The following ACACA variants were observed in gnomAD, a reference collection of about 807,000 sequenced individuals.
ACACA encodes the protein acetyl-CoA carboxylase alpha.
Under a neutral mutation model 296.1 loss-of-function variants are expected in ACACA, and 103 were observed. The ratio of observed to expected loss-of-function variants is 0.35; its 90% CI spans 0.30 to 0.41. The LOEUF is 0.41. Among genes scored for constraint, ACACA ranks in the 10% least tolerant of loss-of-function variants. The pLI is 1.00. For missense variants in ACACA, 1,554 were observed against 2,989.7 expected (o/e 0.52, Z 11.20); for synonymous variants, 953 against 1,038.6 (o/e 0.92, Z 1.58).
At chr17:37,274,427 C>T in intron 8 of ACACA, 128 bp from the exon 9 acceptor site, 1 of 1,038,590 alleles carries the variant, frequency 9.6e-7, no homozygotes, top group South Asian at 1.4e-5. Context: ...AAGAAGGATG[C>T]CATAAAACCC....
chr17:37,153,706 G>C (rs1021017546), intron 43 of ACACA, among the ~76,000 whole-genome samples: 1 of 152,006 alleles, frequency 6.6e-6, no homozygotes, highest in Non-Finnish European at 1.5e-5. Flanking sequence ...AATACTTATT[G>C]TTTAACTACC....
At chr17:37,289,515 G>T in intron 3 of ACACA, 1 of 1,351,028 alleles carries the variant, frequency 7.4e-7, no homozygotes, top group South Asian at 1.1e-5. Context: ...CATATCCCAC[G>T]AGTATTTCAA....
At chr17:37,118,619 C>T (rs1379732848) in intron 50 of ACACA, among the ~76,000 whole-genome samples, 1 of 152,162 alleles carries the variant, frequency 6.6e-6, no homozygotes, top group Admixed American at 6.5e-5. Context: ...AGCTACATCA[C>T]ATCAGCCAAC....
At chr17:37,129,732 C>A (rs1427492237) in intron 46 of ACACA, among the ~76,000 whole-genome samples, 1 of 152,124 alleles carries the variant, frequency 6.6e-6, no homozygotes, top group African/African-American at 2.4e-5. Context: ...TGTGCCCATG[C>A]TTTCTGGGAT....
chr17:37,255,733 T>TTTTG (rs775243806), intron 14 of ACACA, among the ~76,000 whole-genome samples: 10 of 152,170 alleles, frequency 6.6e-5, no homozygotes, highest in Non-Finnish European at 1.0e-4. Context: ...ACTAGCTGTT[T>TTTTG]TTTGTTTGTT....
Position 37,283,321 on chromosome 17 carries a change from G to C in ACACA, c.556C>G (p.Arg186Gly). 1 of 1,614,034 alleles carries C rather than the reference G, an allele frequency of 6.2e-7. No homozygotes were observed. Among genetic ancestry groups the C allele is most frequent in the Non-Finnish European group, 8.5e-7 (1 of 1,180,004 alleles). ...RWSYEMFRNERAIRFVVMVTP... is the reference protein window; with the variant it reads ...RWSYEMFRNEGAIRFVVMVTP... ...ACCATGACAACGAATCTAATTGCAC[G>C]TTCATTTCGAAACATTTCATAAGAC... Residue 186 changes from arginine (R) to glycine (G), a missense_variant, in exon 5 of 56, where the codon CGT becomes GGT. By Grantham distance (125) the Arg-to-Gly change is moderately radical. This residue lies in a region of ACACA where 40 missense variants were observed against 92.2 expected (regional missense o/e 0.43). Coordinates refer to ENST00000616317, the MANE Select transcript of ACACA (RefSeq NM_198834.3).
intron 11 of ACACA, among the ~76,000 whole-genome samples, chr17:37,260,294 ATATTT>A (rs1190786173): frequency 2.0e-4 from 3 of 14,710 alleles, no homozygotes; most frequent in African/African-American, 2.6e-4. Context: ...ATATATATAT[ATATTT>A]TTTTTTTTTT....
At chr17:37,247,086 C>T (rs999155280) in intron 18 of ACACA, 110 bp from the exon 19 acceptor site, 1 of 1,166,716 alleles carries the variant, frequency 8.6e-7, no homozygotes, top group Non-Finnish European at 1.3e-6. Flanking sequence ...CTTTATTATA[C>T]ACACACACAG....
At chr17:37,281,780 T>C (rs1202263613) in intron 5 of ACACA, among the ~76,000 whole-genome samples, 1 of 152,092 alleles carries the variant, frequency 6.6e-6, no homozygotes, top group Non-Finnish European at 1.5e-5. Flanking sequence ...ACAGAAGAAT[T>C]GCATGAACCC....
chr17:37,143,688 C>T (rs770362280), intron 45 of ACACA: 4 of 903,668 alleles, frequency 4.4e-6, no homozygotes, highest in African/African-American at 1.7e-5. Flanking sequence ...ACTTATTCAT[C>T]ATCATCATCT....
intron 52 of ACACA, among the ~76,000 whole-genome samples, chr17:37,098,589 A>G (rs1274437988): frequency 1.3e-5 from 2 of 152,236 alleles, no homozygotes; most frequent in Non-Finnish European, 2.9e-5. Context: ...GTAGAACTCA[A>G]TCTAATTAGA....
intron 38 of ACACA, 75 bp from the exon 39 acceptor site, chr17:37,188,555 T>A: frequency 6.5e-7 from 1 of 1,531,950 alleles, no homozygotes; most frequent in Non-Finnish European, 9.0e-7. Flanking sequence ...TGCTCATATT[T>A]GAGAAAGAAG....
At chr17:37,268,729 CTATCTATCTATCTA>C (rs1214606579) in intron 10 of ACACA, among the ~76,000 whole-genome samples, 69 of 111,052 alleles carry the variant, frequency 6.2e-4, no homozygotes, top group South Asian at 5.7e-3. Flanking sequence ...ATCTATCTAT[CTATCTATCTATCTA>C]TATATATATA....
chr17:37,174,021 T>TATATATATATATATATATA (rs1491485396), intron 41 of ACACA, among the ~76,000 whole-genome samples: 17 of 11,442 alleles, frequency 1.5e-3, no homozygotes, highest in Non-Finnish European at 2.2e-3. Context: ...TATATATATA[T>TATATATATATATATATATA]TTTTTTTTTT....
rs375490540 is a variant in ACACA, at chr17:37,276,006, T to A, written c.846A>T (p.Ala282=). ...CTGCAGTTTGAGCCACTATGGAAGA[T>A]GCAATCTTATCCCCTAAAGCCCACA... is the stretch of plus-strand genomic sequence containing the variant. ...QAMWALGDKI[A]SSIVAQTAGI... is the part of the protein sequence containing the mutation. The change falls in exon 8 of 56, where the codon GCA becomes GCT. Residue 282 remains alanine, a synonymous_variant. Coordinates refer to ENST00000616317, the MANE Select transcript of ACACA (RefSeq NM_198834.3). 1 of 1,614,094 alleles carries A rather than the reference T, an allele frequency of 6.2e-7. No homozygotes were observed. The highest frequency in any genetic ancestry group is 1.3e-5 in the African/African-American group (1 of 74,952).
chr17:37,349,957 A>T (rs1007189734), intron 1 of ACACA, among the ~76,000 whole-genome samples: 2 of 152,076 alleles, frequency 1.3e-5, no homozygotes, highest in African/African-American at 4.8e-5. Flanking sequence ...AATATCACCA[A>T]TATTAGGAAA....
chr17:37,176,193 A>T (rs1180468304), intron 41 of ACACA, among the ~76,000 whole-genome samples: 1 of 152,066 alleles, frequency 6.6e-6, no homozygotes, highest in Non-Finnish European at 1.5e-5. Flanking sequence ...TCATGGGAAA[A>T]CTCTGAAGGA....
At chr17:37,122,510 A>G (rs2074575943) in intron 49 of ACACA, 21 bp downstream of exon 49, 3 of 1,591,942 alleles carry the variant, frequency 1.9e-6, no homozygotes, top group Non-Finnish European at 2.6e-6. Flanking sequence ...CACAGCCCCC[A>G]GTGTACTTGA....
intron 3 of ACACA, among the ~76,000 whole-genome samples, chr17:37,327,823 A>C (rs1391168879): frequency 6.6e-6 from 1 of 152,208 alleles, no homozygotes; most frequent in African/African-American, 2.4e-5. Flanking sequence ...GTGTAGGATT[A>C]TCTACTATAC....
Sources: gnomAD v4.1 joint callset for allele counts (sites outside exome capture counted in the v4.1 genomes callset) on GRCh38, gnomAD v4.1.1 for gene constraint, gnomAD v4.1.1 regional missense constraint, MANE v1.5 for transcripts, NCBI Gene and HGNC (gene_info 2026-07-23, HGNC 2026-07-21) for gene names.